The following NBEA variants were observed in gnomAD, a reference collection of about 807,000 sequenced individuals.
NBEA encodes lysosomal-trafficking regulator 2.
In NBEA, 44 loss-of-function variants were observed where a neutral mutation model predicts 343.4. The ratio of observed to expected loss-of-function variants is 0.13; its 90% CI spans 0.10 to 0.16. NBEA has a LOEUF of 0.16. Among genes scored for constraint, NBEA ranks in the 10% least tolerant of loss-of-function variants. The pLI is 1.00. For synonymous variants in NBEA, 1,175 were observed against 1,238.7 expected, an observed-to-expected ratio of 0.95 and a Z score of 1.08; for missense variants, 2,555 against 3,631.3, an observed-to-expected ratio of 0.70 and a Z score of 7.62.
intron 38 of NBEA, among the ~76,000 whole-genome samples, chr13:35,396,882 C>T (rs139632399): frequency 1.2e-3 from 186 of 152,142 alleles, no homozygotes; most frequent in African/African-American, 4.4e-3. Flanking sequence ...TTCCCTGTGC[C>T]CCTGTATTAC....
At chr13:35,429,900 T>C (rs1051222876) in intron 38 of NBEA, among the ~76,000 whole-genome samples, 7 of 152,184 alleles carry the variant, frequency 4.6e-5, no homozygotes, top group South Asian at 4.2e-4. Context: ...TTTTTGCAAT[T>C]GCAAATTGTG....
At chr13:35,125,114 T>C (rs1384472931) in intron 17 of NBEA, among the ~76,000 whole-genome samples, 1 of 152,186 alleles carries the variant, frequency 6.6e-6, no homozygotes, top group Non-Finnish European at 1.5e-5. Context: ...TGAGATAGCC[T>C]ATTTTCCCCC....
At chr13:34,982,516 G>T (rs1593356366) in intron 1 of NBEA, among the ~76,000 whole-genome samples, 1 of 152,170 alleles carries the variant, frequency 6.6e-6, no homozygotes, top group East Asian at 1.9e-4. Context: ...GGCCAGGCTG[G>T]TCTTGAACTC....
chr13:35,374,983 A>G (rs970935376), intron 38 of NBEA, among the ~76,000 whole-genome samples: 1 of 152,158 alleles, frequency 6.6e-6, no homozygotes, highest in Non-Finnish European at 1.5e-5. Flanking sequence ...TCATTTGTAA[A>G]TGTTTTCCAA....
intron 44 of NBEA, among the ~76,000 whole-genome samples, chr13:35,563,132 G>GAGATAGAT (rs3075543): frequency 0.024 from 2,971 of 123,574 alleles, 48 homozygotes; most frequent in Admixed American, 0.035. Context: ...TGTGTGTGTG[G>GAGATAGAT]AGATAGATAG....
In NBEA at chr13:35,406,547, A is replaced by G. The variant is rs182277554; in HGVS notation, c.6180-25722A>G. On this transcript the variant is annotated intron_variant, in intron 38 of 58. Transcript: ENST00000379939. ...TCGTCTCCCACTTACGAGTGAGAAC[A>G]TATGAGGTTTGGTTTTCCATTCCTG... Among the ~76,000 whole-genome samples the G allele has an allele frequency of 2.6e-5, 4 of 152,270 alleles. No homozygotes were observed. The East Asian group carries it at 7.7e-4, about 29-fold the overall frequency.
At chr13:35,042,712 T>G (rs556147448) in intron 2 of NBEA, among the ~76,000 whole-genome samples, 1 of 151,826 alleles carries the variant, frequency 6.6e-6, no homozygotes, top group Non-Finnish European at 1.5e-5. Flanking sequence ...CTTTTTGTAA[T>G]TTCTAGCATT....
intron 38 of NBEA, 130 bp from the exon 39 acceptor site, chr13:35,432,139 A>T (rs1343727372): frequency 5.1e-6 from 3 of 586,804 alleles, no homozygotes; most frequent in Non-Finnish European, 8.3e-6. Context: ...CAAGTGTAAA[A>T]TATAAGTATC....
chr13:35,231,679 C>G (rs2074981968), intron 33 of NBEA, among the ~76,000 whole-genome samples: 1 of 152,068 alleles, frequency 6.6e-6, no homozygotes, highest in African/African-American at 2.4e-5. Flanking sequence ...TTAATCCTCA[C>G]TGGGTAGGTA....
chr13:34,960,599 T>A (rs546842968), intron 1 of NBEA, among the ~76,000 whole-genome samples: 84 of 152,204 alleles, frequency 5.5e-4, no homozygotes, highest in South Asian at 4.4e-3. Flanking sequence ...TTATCTTTTA[T>A]AGTATATTTT....
chr13:35,090,181 G>A (rs993675906), intron 10 of NBEA, among the ~76,000 whole-genome samples: 3 of 151,798 alleles, frequency 2.0e-5, no homozygotes, highest in Non-Finnish European at 4.4e-5. Context: ...TTTATGTAGT[G>A]TTCCTGTAAT....
intron 35 of NBEA, among the ~76,000 whole-genome samples, chr13:35,300,164 A>G (rs986855954): frequency 2.0e-5 from 3 of 152,132 alleles, no homozygotes; most frequent in African/African-American, 7.2e-5. Flanking sequence ...CTTAAGAAGT[A>G]CTTTTTGAAA....
Position 35,672,110 on chromosome 13 carries a change from G to C in NBEA, c.*1119G>C, listed in dbSNP as rs995596011. ...TAGCCTAAGGCATTTCATCTTTTAT[G>C]ATATAAAATGATGGCTATCAAATGA... On this transcript the variant is annotated 3_prime_UTR_variant, in exon 59 of 59. Transcript: ENST00000379939. 6.6e-6 allele frequency: 1 copy of C among 152,556 alleles called. No individual in the cohort carries two copies. The highest frequency in any genetic ancestry group is 6.5e-5 in the Admixed American group (1 of 15,280). 9.5% of individuals were successfully genotyped at this position (152,556 alleles called of 1,614,324 possible). A position where few individuals can be genotyped will look rare whatever the true frequency, so the allele number is the denominator to read the frequency against.
intron 38 of NBEA, among the ~76,000 whole-genome samples, chr13:35,387,265 T>C (rs918616103): frequency 6.6e-6 from 1 of 152,134 alleles, no homozygotes; most frequent in Admixed American, 6.6e-5. Context: ...TGTTTATGGG[T>C]CTTGGATATT....
chr13:35,035,089 T>C (rs1404173942), intron 1 of NBEA, among the ~76,000 whole-genome samples: 1 of 151,934 alleles, frequency 6.6e-6, no homozygotes, highest in East Asian at 1.9e-4. Context: ...CTTGATCATT[T>C]AGTTCTTTAA....
intron 38 of NBEA, among the ~76,000 whole-genome samples, chr13:35,400,059 A>G (rs2042925486): frequency 6.6e-6 from 1 of 152,078 alleles, no homozygotes; most frequent in East Asian, 1.9e-4. Context: ...AATAACCATA[A>G]CATATAATAA....
chr13:35,197,321 T>G (rs1243762370), intron 31 of NBEA, among the ~76,000 whole-genome samples: 1 of 152,134 alleles, frequency 6.6e-6, no homozygotes, highest in Non-Finnish European at 1.5e-5. Flanking sequence ...AAGCAAGTGT[T>G]TTTTTTGTTT....
At chr13:35,664,848 A>G (rs2085273904) in intron 55 of NBEA, among the ~76,000 whole-genome samples, 1 of 152,276 alleles carries the variant, frequency 6.6e-6, no homozygotes, top group South Asian at 2.1e-4. Flanking sequence ...TTACGTTCTA[A>G]GCATGTTACA....
chr13:34,956,624 T>G (rs1052804508), intron 1 of NBEA, among the ~76,000 whole-genome samples: 3 of 152,220 alleles, frequency 2.0e-5, no homozygotes, highest in African/African-American at 7.2e-5. Context: ...AGTTAGCATG[T>G]CCATCACCTC....
Sources: allele counts gnomAD v4.1 joint callset (sites outside exome capture counted in the v4.1 genomes callset), GRCh38; gene constraint gnomAD v4.1.1; transcripts MANE v1.5; gene names NCBI Gene and HGNC (gene_info 2026-07-23, HGNC 2026-07-21).